SUGCT: variants seen among roughly 807,000 people sequenced by gnomAD.
The protein encoded by SUGCT is succinyl-CoA:glutarate CoA-transferase.
A neutral mutation model predicts 55.0 loss-of-function variants in SUGCT; 41 were observed. That is an observed-to-expected ratio of 0.74 (90% CI 0.58 to 0.97). The LOEUF (loss-of-function observed/expected upper bound fraction) is 0.97, where lower values mean the gene tolerates loss of function less well. Among genes scored for constraint, SUGCT ranks in the 50% least tolerant of loss-of-function variants. SUGCT has a pLI of 0.00. For missense variants in SUGCT, 568 were observed against 547.8 expected (o/e 1.04, Z -0.37); for synonymous variants, 187 against 200.4 (o/e 0.93, Z 0.56).
rs1393971146 is a variant in SUGCT, at chr7:40,581,955, T to A, written c.1089+85569T>A. Among the ~76,000 whole-genome samples the A allele has an allele frequency of 2.0e-5, 3 of 151,990 alleles. No homozygotes were observed. In the East Asian group the frequency reaches 5.8e-4, roughly 29 times the overall value. On this transcript the variant is annotated intron_variant, in intron 12 of 13. Coordinates refer to ENST00000335693, the MANE Select transcript of SUGCT (RefSeq NM_001193313.2). ...CTCCTGCATGACTAATCTGAGGAAA[T>A]AAAACAGAGAAAGGAAACATAAAAT...
At chr7:40,875,732 T>C in the SUGCT span, among the ~76,000 whole-genome samples, 4 of 152,298 alleles carry the variant, frequency 2.6e-5, no homozygotes, top group African/African-American at 9.6e-5. Context: ...AATCTTCCCC[T>C]CCATCCATCT....
intron 9 of SUGCT, among the ~76,000 whole-genome samples, chr7:40,332,443 A>ATTTTTTTTTTTTTTTTTTTTTTTTTTT (rs57902207): frequency 7.2e-6 from 1 of 139,354 alleles, no homozygotes. Context: ...TCTGCATTGG[A>ATTTTTTTTTTTTTTTTTTTTTTTTTTT]TTTTTTTTTT....
chr7:41,025,374 ATT>A, the SUGCT span, among the ~76,000 whole-genome samples: 14 of 146,844 alleles, frequency 9.5e-5, no homozygotes, highest in Admixed American at 1.4e-4. Flanking sequence ...TCAATGTATG[ATT>A]TTTTTTTTTT....
intron 12 of SUGCT, among the ~76,000 whole-genome samples, chr7:40,748,855 C>A (rs1787869784): frequency 1.3e-5 from 2 of 152,080 alleles, no homozygotes; most frequent in South Asian, 4.1e-4. Flanking sequence ...TTGCTTCTGA[C>A]CTGGGTCTCC....
intron 12 of SUGCT, among the ~76,000 whole-genome samples, chr7:40,564,585 A>G (rs1253472572): frequency 6.6e-6 from 1 of 152,190 alleles, no homozygotes; most frequent in Non-Finnish European, 1.5e-5. Context: ...CAGAATCTCA[A>G]TTTCTTTTCC....
At chr7:40,885,819 A>G in the SUGCT span, among the ~76,000 whole-genome samples, 1 of 152,144 alleles carries the variant, frequency 6.6e-6, no homozygotes, top group Non-Finnish European at 1.5e-5. Context: ...GGGCAATCTG[A>G]CTTGTCTTGG....
At chr7:40,180,850 T>C in intron 1 of SUGCT, 97 bp from the exon 2 acceptor site, 1 of 904,894 alleles carries the variant, frequency 1.1e-6, no homozygotes, top group Middle Eastern at 2.2e-4. Context: ...AGAATCACTG[T>C]AGTCCTTGTG....
At chr7:40,613,902 T>G (rs528950905) in intron 12 of SUGCT, among the ~76,000 whole-genome samples, 3 of 152,312 alleles carry the variant, frequency 2.0e-5, no homozygotes, top group South Asian at 2.1e-4. Flanking sequence ...CCACCACGCC[T>G]GGCCTGCACC....
intron 9 of SUGCT, among the ~76,000 whole-genome samples, chr7:40,333,678 TATATATATATATATATATATATATAA>T (rs888354332): frequency 2.2e-5 from 2 of 92,404 alleles, no homozygotes; most frequent in Non-Finnish European, 4.2e-5. Context: ...AATATATATA[TATATATATATATATATATATATATAA>T]ATATTTATAA....
At chr7:40,233,722 A>C (rs1189358719) in intron 6 of SUGCT, among the ~76,000 whole-genome samples, 6 of 152,212 alleles carry the variant, frequency 3.9e-5, no homozygotes, top group African/African-American at 9.7e-5. Flanking sequence ...ACATTGATTA[A>C]TGCATCTTTA....
chr7:40,480,227 T>C (rs1237829539), intron 11 of SUGCT, among the ~76,000 whole-genome samples: 1 of 152,146 alleles, frequency 6.6e-6, no homozygotes, highest in African/African-American at 2.4e-5. Context: ...ATTTCTTTCT[T>C]CTGCCTGTGG....
At chr7:40,563,739 T>C (rs1795974796) in intron 12 of SUGCT, among the ~76,000 whole-genome samples, 2 of 151,192 alleles carry the variant, frequency 1.3e-5, no homozygotes, top group South Asian at 4.2e-4. Context: ...ATAATAATAG[T>C]ATTAATAATA....
the SUGCT span, among the ~76,000 whole-genome samples, chr7:40,910,503 G>T: frequency 6.6e-6 from 1 of 152,112 alleles, no homozygotes; most frequent in African/African-American, 2.4e-5. Flanking sequence ...TGCTTACAAA[G>T]TGTGCTGCAG....
At chr7:40,193,260 T>G (rs1161298151) in intron 5 of SUGCT, among the ~76,000 whole-genome samples, 1 of 149,874 alleles carries the variant, frequency 6.7e-6, no homozygotes, top group Non-Finnish European at 1.5e-5. Context: ...TGTGAGCTAT[T>G]TGGCCTGGCC....
intron 13 of SUGCT, among the ~76,000 whole-genome samples, chr7:40,854,263 T>TA (rs1436550520): frequency 6.6e-6 from 1 of 152,194 alleles, no homozygotes; most frequent in Non-Finnish European, 1.5e-5. Flanking sequence ...TTTGTCTTCT[T>TA]AGACTTTCCT....
At chr7:40,236,746 G>T (rs1473575586) in intron 6 of SUGCT, among the ~76,000 whole-genome samples, 1 of 152,136 alleles carries the variant, frequency 6.6e-6, no homozygotes, top group Non-Finnish European at 1.5e-5. Flanking sequence ...TGGCAAATCA[G>T]AGGATTTATG....
chr7:40,683,991 G>T, intron 12 of SUGCT: 1 of 1,598,324 alleles, frequency 6.3e-7, no homozygotes. Context: ...GTGTGTTACT[G>T]GCAGAATTCA....
chr7:40,846,799 T>A (rs1339634954), intron 13 of SUGCT, among the ~76,000 whole-genome samples: 2 of 152,206 alleles, frequency 1.3e-5, no homozygotes, highest in Non-Finnish European at 1.5e-5. Flanking sequence ...GCACTTTGTA[T>A]TTAACCAGCC....
At chr7:40,576,408 C>A (rs977979400) in intron 12 of SUGCT, among the ~76,000 whole-genome samples, 10 of 152,186 alleles carry the variant, frequency 6.6e-5, no homozygotes, top group African/African-American at 2.4e-4. Context: ...AATGTTTCTT[C>A]CATATGGTTT....
Sources: gnomAD v4.1 joint callset for allele counts (sites outside exome capture counted in the v4.1 genomes callset) on GRCh38, gnomAD v4.1.1 for gene constraint, MANE v1.5 for transcripts, NCBI Gene and HGNC (gene_info 2026-07-23, HGNC 2026-07-21) for gene names.